Variants in EFHC2 observed in about 807,000 individuals in gnomAD.
The protein encoded by EFHC2 is EF-hand domain-containing family member C2.
A neutral mutation model predicts 52.7 loss-of-function variants in EFHC2; 18 were observed. The observed-to-expected ratio is 0.34, with a 90% confidence interval of 0.24 to 0.51. EFHC2 has a LOEUF of 0.51. Ranked by LOEUF, EFHC2 falls within the 20% of genes least tolerant of loss-of-function variation. The pLI, the probability that EFHC2 is intolerant of heterozygous loss-of-function variation, is 0.97. For missense variants in EFHC2, 513 were observed against 562.5 expected (o/e 0.91, Z 0.89); for synonymous variants, 203 against 204.1 (o/e 0.99, Z 0.04).
At chrX:44,297,164 A>G (rs1288771619) in intron 2 of EFHC2, among the ~76,000 whole-genome samples, 1 of 112,007 alleles carries the variant, frequency 8.9e-6, no homozygotes, top group African/African-American at 3.2e-5. Context: ...AATTCAGGCT[A>G]AGAGAGGTTA....
intron 7 of EFHC2, among the ~76,000 whole-genome samples, chrX:44,242,931 C>T (rs751272862): frequency 1.8e-5 from 2 of 111,845 alleles, no homozygotes; most frequent in South Asian, 7.5e-4. Context: ...ACTACAATTG[C>T]ACTCAAATGC....
chrX:44,305,119 G>T (rs191486657), intron 2 of EFHC2, among the ~76,000 whole-genome samples: 22 of 110,131 alleles, frequency 2.0e-4, no homozygotes, highest in Non-Finnish European at 3.6e-4. Context: ...AAAATTAGCC[G>T]GGTGTGGTGG....
chrX:44,342,293 A>G (rs1263628244), intron 1 of EFHC2, among the ~76,000 whole-genome samples: 2 of 112,315 alleles, frequency 1.8e-5, no homozygotes, highest in Admixed American at 1.9e-4. Context: ...AGTGTTTGGA[A>G]ACCATAAAGC....
intron 1 of EFHC2, among the ~76,000 whole-genome samples, chrX:44,313,095 C>CAAAAAAA (rs1276344069): frequency 8.0e-5 from 4 of 50,000 alleles, no homozygotes; most frequent in Non-Finnish European, 1.3e-4. Context: ...ATGCAAACAG[C>CAAAAAAA]AAAAAAAAAA....
intron 1 of EFHC2, among the ~76,000 whole-genome samples, chrX:44,328,604 C>T (rs2038066517): frequency 8.9e-6 from 1 of 112,120 alleles, no homozygotes; most frequent in African/African-American, 3.2e-5. Context: ...TTCTGCATGG[C>T]AGATGGAAAA....
intron 3 of EFHC2, among the ~76,000 whole-genome samples, chrX:44,271,770 A>G (rs905768804): frequency 7.2e-4 from 80 of 111,054 alleles, no homozygotes; most frequent in Non-Finnish European, 4.3e-4. Flanking sequence ...GCTCTCTGCC[A>G]GAAAGTTCTT....
intron 11 of EFHC2, among the ~76,000 whole-genome samples, chrX:44,214,108 A>T (rs1241443134): frequency 8.9e-6 from 1 of 111,861 alleles, no homozygotes; most frequent in Non-Finnish European, 1.9e-5. Context: ...AAAAAGTGTA[A>T]CAAATAGGTA....
chrX:44,284,913 G>A (rs2037740254), intron 2 of EFHC2: 2 of 112,171 alleles, frequency 1.8e-5, no homozygotes, highest in East Asian at 2.8e-4. Context: ...TCTTCAGGGA[G>A]TGACTGGTCT....
intron 11 of EFHC2, among the ~76,000 whole-genome samples, chrX:44,225,223 A>G (rs1481143178): frequency 9.4e-6 from 1 of 106,280 alleles, no homozygotes; most frequent in Non-Finnish European, 1.9e-5. Context: ...GGCAAAAGAG[A>G]AATGTTCCCT....
chrX:44,214,694 T>G (rs1029013885), intron 11 of EFHC2, among the ~76,000 whole-genome samples: 1 of 111,998 alleles, frequency 8.9e-6, no homozygotes, highest in South Asian at 3.7e-4. Flanking sequence ...AGAGAAGGAG[T>G]AAGTGAAGGT....
intron 2 of EFHC2, chrX:44,283,987 C>T (rs2147362330): frequency 9.0e-6 from 1 of 110,859 alleles, no homozygotes; most frequent in South Asian, 3.9e-4. Flanking sequence ...ACAGGTGCCC[C>T]GCAGAGCTCA....
At chrX:44,331,516 T>C (rs753653726) in intron 1 of EFHC2, among the ~76,000 whole-genome samples, 36 of 111,599 alleles carry the variant, frequency 3.2e-4, no homozygotes, top group Non-Finnish European at 6.8e-4. Flanking sequence ...TTAGACTAAA[T>C]ACACACACAC....
At chrX:44,178,169 A>ACACACACACACACACAC (rs3037408) in intron 12 of EFHC2, among the ~76,000 whole-genome samples, 198 bp downstream of exon 12, 5 of 107,431 alleles carry the variant, frequency 4.7e-5, no homozygotes, top group Non-Finnish European at 7.7e-5. Flanking sequence ...ACACACACAC[A>ACACACACACACACACAC]AGCTCTCCAT....
intron 2 of EFHC2, among the ~76,000 whole-genome samples, chrX:44,305,501 T>A (rs1035495275): frequency 9.0e-6 from 1 of 111,712 alleles, no homozygotes; most frequent in Non-Finnish European, 1.9e-5. Context: ...ACTAGCTTAA[T>A]AACAGATAAT....
chrX:44,291,588 A>G (rs189465999), intron 2 of EFHC2, among the ~76,000 whole-genome samples: 7 of 112,308 alleles, frequency 6.2e-5, no homozygotes, highest in African/African-American at 2.3e-4. Flanking sequence ...TGGAAAGGGA[A>G]GTGGCTAGAA....
chrX:44,275,525 C>T (rs2037649560), intron 2 of EFHC2, among the ~76,000 whole-genome samples: 1 of 109,917 alleles, frequency 9.1e-6, no homozygotes, highest in African/African-American at 3.3e-5. Context: ...GAAAACAGAA[C>T]CTAAAATAAA....
intron 2 of EFHC2, chrX:44,309,908 C>T (rs2037933685): frequency 3.7e-5 from 40 of 1,091,440 alleles, no homozygotes; most frequent in Non-Finnish European, 4.2e-5. Flanking sequence ...AGAGAAATTC[C>T]CTTTCTTTGG....
At chrX:44,333,068 T>G (rs1351150875) in intron 1 of EFHC2, among the ~76,000 whole-genome samples, 1 of 111,380 alleles carries the variant, frequency 9.0e-6, no homozygotes, top group Non-Finnish European at 1.9e-5. Flanking sequence ...GAGGCAGCAA[T>G]GGACAATCAC....
chrX:44,322,296 T>C (rs2038026091), intron 1 of EFHC2, among the ~76,000 whole-genome samples: 1 of 112,055 alleles, frequency 8.9e-6, no homozygotes, highest in African/African-American at 3.2e-5. Context: ...ATACTAGGCT[T>C]TGTACTTTCT....
Sources: gnomAD v4.1 joint callset for allele counts (sites outside exome capture counted in the v4.1 genomes callset) on GRCh38, gnomAD v4.1.1 for gene constraint, MANE v1.5 for transcripts, NCBI Gene and HGNC (gene_info 2026-07-23, HGNC 2026-07-21) for gene names.